The following TENM3 variants were observed in gnomAD, a reference collection of about 807,000 sequenced individuals.
The protein encoded by TENM3 is teneurin-3.
Under a neutral mutation model 255.1 loss-of-function variants are expected in TENM3, and 63 were observed. That is an observed-to-expected ratio of 0.25 (90% CI 0.20 to 0.30). The LOEUF (loss-of-function observed/expected upper bound fraction) is 0.30. TENM3 is among the 10% of genes least tolerant of loss of function. TENM3 has a pLI of 1.00. For missense variants in TENM3, 2,929 were observed against 3,461.1 expected (o/e 0.85, Z 3.86); for synonymous variants, 1,306 against 1,322.3 (o/e 0.99, Z 0.27).
intron 6 of TENM3, among the ~76,000 whole-genome samples, chr4:182,659,391 T>A (rs958876962): frequency 3.3e-5 from 5 of 152,218 alleles, no homozygotes; most frequent in African/African-American, 4.8e-5. Flanking sequence ...TCTATTAGTA[T>A]CTTTTTCTTG....
At chr4:182,102,850 A>G in the TENM3 span, among the ~76,000 whole-genome samples, 10 of 152,164 alleles carry the variant, frequency 6.6e-5, no homozygotes, top group Non-Finnish European at 1.5e-4. Context: ...ATTAAATGAG[A>G]TAAGACACAT....
At chr4:182,440,644 A>G (rs1378533279) in intron 3 of TENM3, among the ~76,000 whole-genome samples, 1 of 152,186 alleles carries the variant, frequency 6.6e-6, no homozygotes, top group Non-Finnish European at 1.5e-5. Flanking sequence ...AAACAGACCC[A>G]TGAGGAAATG....
the TENM3 span, among the ~76,000 whole-genome samples, chr4:181,664,888 C>G: frequency 6.6e-6 from 1 of 152,186 alleles, no homozygotes; most frequent in African/African-American, 2.4e-5. Context: ...CTTGTCAACT[C>G]CTTTAATTCT....
Position 182,681,842 on chromosome 4 carries a change from T to A in TENM3, c.1863T>A (p.Asn621Lys). 6.2e-7 allele frequency: 1 copy of A among 1,613,808 alleles called. No homozygotes were observed. Among genetic ancestry groups the A allele is most frequent in the Non-Finnish European group, 8.5e-7 (1 of 1,179,792 alleles). The change falls in exon 11 of 28, where the codon AAT (asparagine) becomes AAA (lysine). Residue 621 changes from asparagine (N) to lysine (K), a missense_variant. Physicochemically the swap from Asn to Lys is moderately conservative, Grantham distance 94 (BLOSUM62 0). Transcript: ENST00000511685. ...EADCIDPGCS[N>K]HGVCIHGECH... ...ACTGTATAGACCCTGGGTGTTCTAA[T>A]CATGGTGTGTGTATCCACGGGGAAT...
At chr4:181,468,910 C>T in the TENM3 span, among the ~76,000 whole-genome samples, 1 of 152,140 alleles carries the variant, frequency 6.6e-6, no homozygotes, top group African/African-American at 2.4e-5. Context: ...TTCCAATGGA[C>T]CCATTTTTCT....
the TENM3 span, among the ~76,000 whole-genome samples, chr4:182,040,900 G>T: frequency 6.6e-6 from 1 of 152,038 alleles, no homozygotes; most frequent in Non-Finnish European, 1.5e-5. Context: ...AGAGAAAATG[G>T]GACTCACTGT....
chr4:182,214,707 A>C (rs898397920), intron 1 of TENM3, among the ~76,000 whole-genome samples: 1 of 152,058 alleles, frequency 6.6e-6, no homozygotes, highest in Non-Finnish European at 1.5e-5. Context: ...AAGTCTGGGT[A>C]ATTCTCTCCA....
chr4:182,511,419 A>G (rs1210071248), intron 3 of TENM3, among the ~76,000 whole-genome samples: 4 of 152,296 alleles, frequency 2.6e-5, no homozygotes, highest in Admixed American at 2.0e-4. Context: ...GGCAGCTGCA[A>G]GAGTAATTAA....
the TENM3 span, among the ~76,000 whole-genome samples, chr4:181,597,025 T>C: frequency 1.3e-5 from 2 of 152,108 alleles, no homozygotes; most frequent in Non-Finnish European, 2.9e-5. Flanking sequence ...ATGATACAAG[T>C]TAATCTATGT....
chr4:182,719,158 A>G (rs998971255), intron 13 of TENM3, among the ~76,000 whole-genome samples: 1 of 151,816 alleles, frequency 6.6e-6, no homozygotes, highest in African/African-American at 2.4e-5. Context: ...TAAAAGATAC[A>G]TACTAAACTT....
chr4:181,600,875 A>T, the TENM3 span, among the ~76,000 whole-genome samples: 1 of 151,984 alleles, frequency 6.6e-6, no homozygotes, highest in Non-Finnish European at 1.5e-5. Flanking sequence ...CTTAGTCTCA[A>T]TTTGGGTTCA....
chr4:182,485,508 CATACTGT>C (rs1377171458), intron 3 of TENM3, among the ~76,000 whole-genome samples: 1 of 152,090 alleles, frequency 6.6e-6, no homozygotes, highest in Non-Finnish European at 1.5e-5. Context: ...ATTTGTCTCA[CATACTGT>C]ATGTGACACA....
In TENM3 at chr4:182,754,054, G is replaced by T. The variant is rs762590665; in HGVS notation, c.4018-331G>T. Among the ~76,000 whole-genome samples the T allele has an allele frequency of 6.6e-6, 1 of 152,138 alleles. No homozygotes were observed. Among genetic ancestry groups the T allele is most frequent in the Non-Finnish European group, 1.5e-5 (1 of 68,030 alleles). Reference sequence around the variant, plus strand: ...TACTAATCTATTCATAACCTAGAAAGCCCCAACATTTGGTGGTTATTGCTG... The same window carrying T: ...TACTAATCTATTCATAACCTAGAAATCCCCAACATTTGGTGGTTATTGCTG... On this transcript the variant is annotated intron_variant, in intron 21 of 27. Coordinates refer to ENST00000511685, the MANE Select transcript of TENM3 (RefSeq NM_001080477.4). This position sits in a 1 kb window ranked among gnomAD's most constrained non-coding sequence, Gnocchi z 5.1.
chr4:182,397,030 G>A (rs185611361), intron 3 of TENM3, among the ~76,000 whole-genome samples: 160 of 151,716 alleles, frequency 1.1e-3, no homozygotes, highest in Non-Finnish European at 1.8e-3. Context: ...ATGAAAAGCC[G>A]TAAGTTTAAT....
intron 3 of TENM3, among the ~76,000 whole-genome samples, chr4:182,552,754 G>A (rs1742176747): frequency 6.6e-6 from 1 of 152,188 alleles, no homozygotes; most frequent in Non-Finnish European, 1.5e-5. Context: ...AGATAGTAAG[G>A]TTAGACTTGA....
At chr4:182,251,345 G>A (rs937311958) in intron 1 of TENM3, among the ~76,000 whole-genome samples, 16 of 152,034 alleles carry the variant, frequency 1.1e-4, no homozygotes, top group Admixed American at 2.0e-4. Flanking sequence ...GCATGTGCCC[G>A]TAGTCCTGGC....
rs1561251996 is a variant in TENM3 at position 182,786,555 on chromosome 4, T to TA, written c.5305-2538_5305-2537insA. Among the ~76,000 whole-genome samples, 101 of 74,980 alleles carry TA rather than the reference T, an allele frequency of 1.3e-3. 3 individuals carry two copies. Among genetic ancestry groups the TA allele is most frequent in the African/African-American group, 7.7e-3 (94 of 12,178 alleles). 49.2% of individuals were successfully genotyped at this position (74,980 alleles called of 152,430 possible). A position where few individuals can be genotyped will look rare whatever the true frequency, so the allele number is the denominator to read the frequency against. On this transcript the variant is annotated intron_variant, in intron 24 of 27. Transcript: ENST00000511685. ...CTGGGTGACAGAGTGAGACCCCGTC[T>TA]TAAAAAAAAAAAAAAAAAAGAAATC...
At chr4:182,725,729 G>A (rs943704490) in intron 13 of TENM3, among the ~76,000 whole-genome samples, 1 of 148,822 alleles carries the variant, frequency 6.7e-6, no homozygotes, top group African/African-American at 2.5e-5. Flanking sequence ...TCCACCTCCT[G>A]GGTTCAAGCA....
the TENM3 span, among the ~76,000 whole-genome samples, chr4:181,627,590 G>T: frequency 6.6e-6 from 1 of 152,202 alleles, no homozygotes; most frequent in African/African-American, 2.4e-5. Flanking sequence ...GCGGTGTTTG[G>T]TTTTTTGTTC....
Sources: gnomAD v4.1 joint callset for allele counts (sites outside exome capture counted in the v4.1 genomes callset) on GRCh38, gnomAD v4.1.1 for gene constraint, Gnocchi (gnomAD v3.1) non-coding constraint, MANE v1.5 for transcripts, NCBI Gene and HGNC (gene_info 2026-07-23, HGNC 2026-07-21) for gene names.